RSU1: variants seen among roughly 807,000 people sequenced by gnomAD.
The protein encoded by RSU1 is Ras suppressor protein 1, also known as rsu-1.
A neutral mutation model predicts 31.1 loss-of-function variants in RSU1; 26 were observed. The observed-to-expected ratio is 0.84, with a 90% CI of 0.61 to 1.16. RSU1 has a LOEUF of 1.16. Among genes scored for constraint, RSU1 ranks in the 50% most tolerant of loss-of-function variants. RSU1 has a pLI of 0.00. For missense variants in RSU1, 320 were observed against 339.1 expected (o/e 0.94, Z 0.44); for synonymous variants, 164 against 136.3 (o/e 1.20, Z -1.41).
chr10:16,728,095 T>C (rs993491851), intron 7 of RSU1, among the ~76,000 whole-genome samples: 4 of 152,178 alleles, frequency 2.6e-5, no homozygotes, highest in Non-Finnish European at 5.9e-5. Flanking sequence ...ATGAGACTAT[T>C]TGCAAGAGAT....
chr10:16,747,941 G>T (rs908406571), intron 7 of RSU1, among the ~76,000 whole-genome samples: 3 of 152,238 alleles, frequency 2.0e-5, no homozygotes, highest in African/African-American at 7.2e-5. Flanking sequence ...GGCTGAGGCA[G>T]GAGGATGGCT....
At chr10:16,631,331 G>A (rs1001425083) in intron 8 of RSU1, among the ~76,000 whole-genome samples, 2 of 152,172 alleles carry the variant, frequency 1.3e-5, no homozygotes, top group South Asian at 2.1e-4. Context: ...AGCCCAGGGC[G>A]CACTGGCACT....
intron 7 of RSU1, among the ~76,000 whole-genome samples, chr10:16,729,471 T>C (rs983636009): frequency 5.9e-5 from 9 of 151,984 alleles, no homozygotes; most frequent in African/African-American, 1.9e-4. Flanking sequence ...AAGGGAGTGG[T>C]AGGGGAACTG....
In RSU1 at chr10:16,785,479, T is replaced by TATATATAC. The variant is rs1564357351; in HGVS notation, c.110-3396_110-3395insGTATATAT. On this transcript the variant is annotated intron_variant, in intron 2 of 8. Coordinates refer to ENST00000345264, the MANE Select transcript of RSU1 (RefSeq NM_012425.4). The stretch of plus-strand genomic sequence containing the variant: ...ATATACATATATATATACACATATA[T>TATATATAC]ACATATATACATATATATATACACA... 1.0e-4 allele frequency among the ~76,000 whole-genome samples: 14 copies of TATATATAC among 137,838 alleles called. No homozygotes were observed. The South Asian group carries it at 1.3e-3, about 13-fold the overall frequency. The allele number at this position is 137,838 out of a possible 152,430, so 90.4% of individuals were successfully genotyped here.
chr10:16,714,546 G>A (rs1836094264), intron 7 of RSU1, among the ~76,000 whole-genome samples: 1 of 152,164 alleles, frequency 6.6e-6, no homozygotes, highest in Non-Finnish European at 1.5e-5. Context: ...GTGCAGGAGA[G>A]GTAATTGGCT....
chr10:16,648,107 C>A (rs1834605378), intron 8 of RSU1, among the ~76,000 whole-genome samples: 1 of 144,750 alleles, frequency 6.9e-6, no homozygotes, highest in Admixed American at 6.8e-5. Context: ...AGCCATTGTG[C>A]CTGGCTAATT....
chr10:16,688,376 G>A (rs1259449783), intron 8 of RSU1, among the ~76,000 whole-genome samples: 1 of 152,142 alleles, frequency 6.6e-6, no homozygotes, highest in African/African-American at 2.4e-5. Flanking sequence ...GGAGGCCGAG[G>A]CGGACGGGTC....
chr10:16,748,684 G>A (rs1836910352), intron 7 of RSU1, among the ~76,000 whole-genome samples: 1 of 151,974 alleles, frequency 6.6e-6, no homozygotes, highest in Non-Finnish European at 1.5e-5. Context: ...CACTCACTCT[G>A]TTCCAGCCAC....
intron 2 of RSU1, among the ~76,000 whole-genome samples, chr10:16,806,027 T>C (rs994310304): frequency 1.2e-4 from 18 of 152,234 alleles, no homozygotes; most frequent in African/African-American, 3.9e-4. Flanking sequence ...ACTGATAATG[T>C]TTCTTGCTTT....
intron 2 of RSU1, among the ~76,000 whole-genome samples, chr10:16,790,258 G>T (rs1217370862): frequency 6.6e-6 from 1 of 152,186 alleles, no homozygotes; most frequent in African/African-American, 2.4e-5. Flanking sequence ...CTACCTTGGA[G>T]ATTCTCTTAG....
At chr10:16,787,133 G>C (rs557816219) in intron 2 of RSU1, among the ~76,000 whole-genome samples, 15 of 152,268 alleles carry the variant, frequency 9.9e-5, no homozygotes, top group Admixed American at 2.6e-4. Context: ...ATAATCTGGA[G>C]ACAAAATGTG....
At chr10:16,605,259 A>G (rs543576163) in intron 8 of RSU1, among the ~76,000 whole-genome samples, 1 of 152,174 alleles carries the variant, frequency 6.6e-6, no homozygotes, top group African/African-American at 2.4e-5. Flanking sequence ...ATCTTTGACT[A>G]CGTTCATTTC....
intron 7 of RSU1, among the ~76,000 whole-genome samples, chr10:16,749,934 G>C (rs1298267554): frequency 6.6e-6 from 1 of 152,148 alleles, no homozygotes; most frequent in Non-Finnish European, 1.5e-5. Context: ...CCGTGATCAG[G>C]AAGCTGGACC....
intron 4 of RSU1, among the ~76,000 whole-genome samples, chr10:16,759,827 A>G (rs1837171483): frequency 6.6e-6 from 1 of 152,226 alleles, no homozygotes. Context: ...ATGTCTTACA[A>G]TCATCAGAAT....
chr10:16,674,749 A>G (rs149872751), intron 8 of RSU1, among the ~76,000 whole-genome samples: 133 of 152,290 alleles, frequency 8.7e-4, no homozygotes, highest in African/African-American at 3.0e-3. Flanking sequence ...GAAACTGAAT[A>G]TAAGTGTAAA....
At chr10:16,625,896 C>T (rs929649811) in intron 8 of RSU1, among the ~76,000 whole-genome samples, 4 of 152,118 alleles carry the variant, frequency 2.6e-5, no homozygotes, top group African/African-American at 7.2e-5. Context: ...ACTCAGGCTT[C>T]CTGTTTGTGA....
At chr10:16,729,641 C>T (rs1836466534) in intron 7 of RSU1, among the ~76,000 whole-genome samples, 1 of 152,202 alleles carries the variant, frequency 6.6e-6, no homozygotes, top group Non-Finnish European at 1.5e-5. Context: ...CATAAAGATA[C>T]TATCACTCTC....
At chr10:16,662,131 T>C (rs190647858) in intron 8 of RSU1, among the ~76,000 whole-genome samples, 12 of 152,364 alleles carry the variant, frequency 7.9e-5, no homozygotes, top group African/African-American at 1.4e-4. Flanking sequence ...ACTGCAATTA[T>C]AGCTTTTCTG....
chr10:16,620,205 T>C (rs903900564), intron 8 of RSU1, among the ~76,000 whole-genome samples: 3 of 152,212 alleles, frequency 2.0e-5, no homozygotes, highest in African/African-American at 7.2e-5. Flanking sequence ...TCAATAATAT[T>C]AACCAGCAAC....
Sources: allele counts gnomAD v4.1 joint callset (sites outside exome capture counted in the v4.1 genomes callset), GRCh38; gene constraint gnomAD v4.1.1; transcripts MANE v1.5; gene names NCBI Gene and HGNC (gene_info 2026-07-23, HGNC 2026-07-21).